NAV1: variants seen among roughly 807,000 people sequenced by gnomAD.
NAV1 encodes the protein pore membrane and/or filament interacting like protein 3.
A neutral mutation model predicts 175.2 loss-of-function variants in NAV1; 18 were observed. That is an observed-to-expected ratio of 0.10 (90% confidence interval 0.07 to 0.15). The LOEUF is 0.15. Among genes scored for constraint, NAV1 ranks in the 10% least tolerant of loss-of-function variants. The probability of loss-of-function intolerance (pLI) is 1.00; values close to 1 mark genes in which losing one functional copy is unlikely to be tolerated. For missense variants in NAV1, 1,731 were observed against 2,436.6 expected (o/e 0.71, Z 6.10); for synonymous variants, 897 against 978.7 (o/e 0.92, Z 1.56).
upstream of NAV1, among the ~76,000 whole-genome samples, chr1:201,643,616 T>C (rs905972556): frequency 1.3e-5 from 2 of 152,136 alleles, no homozygotes; most frequent in Admixed American, 1.3e-4. Flanking sequence ...TTCCACCATG[T>C]TGGCCAGGCT....
At chr1:201,781,350 G>A (rs2102708124) in intron 5 of NAV1, 41 bp downstream of exon 9, 4 of 1,527,180 alleles carry the variant, frequency 2.6e-6, no homozygotes, top group Non-Finnish European at 3.5e-6. Context: ...CAAAGACCTA[G>A]TTCTTTGGTT....
intron 2 of NAV1, among the ~76,000 whole-genome samples, chr1:201,599,857 A>G (rs1667469909): frequency 6.6e-6 from 1 of 152,208 alleles, no homozygotes; most frequent in African/African-American, 2.4e-5. Context: ...TTGAGGGGGA[A>G]AAAACAACAC....
chr1:201,808,774 T>G lies in NAV1; in HGVS notation c.4110T>G (p.Thr1370=), dbSNP rs1177798187. Residue 1370 remains threonine, a synonymous_variant, in exon 20 of 30, where the codon ACT becomes ACG. Transcript: ENST00000367296. The surrounding 1 kb of genome is among the most constrained non-coding windows in gnomAD (Gnocchi z 5.5). ...CCCCAGGCCCCTCATCAGGCTCCAC[T>G]CCAGGGCAGGTCCCTGGATCATCTG... 3.1e-6 allele frequency: 5 copies of G among 1,614,122 alleles called. No homozygotes were observed. The highest frequency in any genetic ancestry group is 4.2e-6 in the Non-Finnish European group (5 of 1,180,020).
exon 30 of NAV1, chr1:201,821,487 A>T (rs543860380): frequency 6.7e-6 from 1 of 148,938 alleles, no homozygotes; most frequent in Admixed American, 6.8e-5. Flanking sequence ...ACTATATACA[A>T]ATCATTAGGT....
intron 1 of NAV1, among the ~76,000 whole-genome samples, chr1:201,570,294 C>T (rs577054763): frequency 2.6e-5 from 4 of 152,296 alleles, no homozygotes; most frequent in Admixed American, 1.3e-4. Flanking sequence ...CAGGGTCAGG[C>T]GCCTCCTTAC....
intron 1 of NAV1, among the ~76,000 whole-genome samples, chr1:201,562,699 A>C (rs188591871): frequency 4.7e-4 from 72 of 152,350 alleles, no homozygotes; most frequent in African/African-American, 1.7e-3. Flanking sequence ...CTAGGACTGT[A>C]TGAGAGCAGA....
Position 201,808,320 on chromosome 1 carries a change from G to A in NAV1, c.3846-98G>A, listed in dbSNP as rs1678440805. The stretch of plus-strand genomic sequence containing the variant: ...TTCTCATGCTGATTGAATATCAATG[G>A]GCAGGAGAAGCCAAGACCACCAACC... On this transcript the variant is annotated intron_variant, in intron 18 of 29. Coordinates refer to ENST00000367296, the Ensembl canonical transcript of NAV1. The surrounding 1 kb of genome is among the most constrained non-coding windows in gnomAD (Gnocchi z 5.5). 3 of 1,425,658 alleles carry A rather than the reference G, an allele frequency of 2.1e-6. No individual in the cohort carries two copies. The African/African-American group carries it at 4.3e-5, about 20-fold the overall frequency. The allele number at this position is 1,425,658 out of a possible 1,614,324, so 88.3% of individuals were successfully genotyped here.
chr1:201,606,991 G>A (rs1203062047), intron 2 of NAV1, among the ~76,000 whole-genome samples: 1 of 152,112 alleles, frequency 6.6e-6, no homozygotes, highest in African/African-American at 2.4e-5. Flanking sequence ...AATTTAGCCT[G>A]TGGAAATAAT....
intron 3 of NAV1, among the ~76,000 whole-genome samples, chr1:201,767,229 G>T (rs1247725310): frequency 6.6e-6 from 1 of 151,796 alleles, no homozygotes; most frequent in Non-Finnish European, 1.5e-5. Context: ...TGAATGAGCA[G>T]ATCACAAGGT....
chr1:201,597,779 A>G (rs1358047676), intron 2 of NAV1, among the ~76,000 whole-genome samples: 1 of 152,180 alleles, frequency 6.6e-6, no homozygotes, highest in Non-Finnish European at 1.5e-5. Flanking sequence ...TTTCCTTGGC[A>G]GCTGTGTCTC....
rs1428587131 is a variant in NAV1, at chr1:201,694,535, C to G, written c.758-18282C>G. On this transcript the variant is annotated intron_variant, in intron 1 of 29. Transcript: ENST00000367296. The surrounding 1 kb of genome is among the most constrained non-coding windows in gnomAD (Gnocchi z 4.2). ...ATTTGCAGGGAGAATGCAGCCAGGA[C>G]CACCAGCCCTGGCTGCAGAGGGAGG... 6.6e-6 allele frequency among the ~76,000 whole-genome samples: 1 copy of G among 152,130 alleles called. No individual in the cohort carries two copies. The highest frequency in any genetic ancestry group is 1.5e-5 in the Non-Finnish European group (1 of 68,014).
In NAV1 at chr1:201,589,370, C is replaced by T. The variant is rs149428145; in HGVS notation, c.-33+721C>T. Among the ~76,000 whole-genome samples the T allele has an allele frequency of 1.7e-3, 255 of 152,312 alleles. 1 individual carries two copies. The highest frequency in any genetic ancestry group is 5.8e-3 in the African/African-American group (242 of 41,560). ...ATTGTCATCTTTGCCTCAATTTCCT[C>T]ATCCATAAAATGGGGATAGTAATAT... On this transcript the variant is annotated intron_variant, in intron 2 of 33. Coordinates refer to the NAV1 transcript ENST00000685211.
At chr1:201,592,534 C>T (rs1291138020) in intron 2 of NAV1, among the ~76,000 whole-genome samples, 1 of 152,176 alleles carries the variant, frequency 6.6e-6, no homozygotes. Context: ...GCTCTGTAGG[C>T]AGCACTTTGC....
At chr1:201,650,956 G>T (rs527373726) in intron 1 of NAV1, among the ~76,000 whole-genome samples, 55 of 152,282 alleles carry the variant, frequency 3.6e-4, no homozygotes, top group Non-Finnish European at 6.2e-4. Flanking sequence ...CCTGTCAAAG[G>T]CCCTGCCTCA....
intron 10 of NAV1, among the ~76,000 whole-genome samples, chr1:201,789,375 G>T (rs1676964491): frequency 6.6e-6 from 1 of 152,170 alleles, no homozygotes; most frequent in Non-Finnish European, 1.5e-5. Flanking sequence ...TTTGTTCTGA[G>T]CAACTCTGAT....
Position 201,804,474 on chromosome 1 carries a change from C to A in NAV1, c.3640-15C>A, listed in dbSNP as rs1351851498. ...TCCTTCAAAATGCTGACTCCAAATC[C>A]CTATTTTTTTCCAGGTCTATGAGGT... On this transcript the variant is annotated splice_polypyrimidine_tract_variant and intron_variant, in intron 16 of 29. Transcript: ENST00000367296. 3.9e-6 allele frequency: 6 copies of A among 1,546,648 alleles called. No individual in the cohort carries two copies. The highest frequency in any genetic ancestry group is 1.4e-5 in the African/African-American group (1 of 72,594).
intron 2 of NAV1, among the ~76,000 whole-genome samples, chr1:201,590,053 C>A (rs1353609980): frequency 2.0e-5 from 3 of 152,100 alleles, no homozygotes; most frequent in Non-Finnish European, 4.4e-5. Flanking sequence ...CCATCATACC[C>A]AGCCAATTTT....
rs1234327715 is a variant in NAV1, at chr1:201,813,078, A to AG, written c.5222-60dup. The AG allele has an allele frequency of 8.3e-7, 1 of 1,208,150 alleles. No individual in the cohort carries two copies. The highest frequency in any genetic ancestry group is 1.2e-6 in the Non-Finnish European group (1 of 820,748). The allele number at this position is 1,208,150 out of a possible 1,614,324, so 74.8% of individuals were successfully genotyped here. A position where few individuals can be genotyped will look rare whatever the true frequency, so the allele number is the denominator to read the frequency against. On this transcript the variant is annotated intron_variant, in intron 27 of 29. Transcript: ENST00000367296. This position sits in a 1 kb window ranked among gnomAD's most constrained non-coding sequence, Gnocchi z 4.2. ...TCTGCCTGGTACTAAGGAGTAAAAG[A>AG]GGCACACAACCGGGAAGATCTAGGT...
chr1:201,809,638 C>G (rs536881187), intron 22 of NAV1, 101 bp downstream of exon 26: 1 of 1,115,990 alleles, frequency 9.0e-7, no homozygotes, highest in African/African-American at 1.5e-5. Context: ...GGCTGGAGGG[C>G]AGTGGCGTGA....
Sources: allele counts gnomAD v4.1 joint callset (sites outside exome capture counted in the v4.1 genomes callset), GRCh38; gene constraint gnomAD v4.1.1; non-coding constraint Gnocchi (gnomAD v3.1); transcripts MANE v1.5; gene names NCBI Gene and HGNC (gene_info 2026-07-23, HGNC 2026-07-21).